The following JPH1 variants were observed in gnomAD, a reference collection of about 807,000 sequenced individuals.
The protein encoded by JPH1 is junctophilin 1, also known as junctophilin-1.
In JPH1, 12 loss-of-function variants were observed where a neutral mutation model predicts 53.6. That is an observed-to-expected ratio of 0.22 (90% CI 0.14 to 0.36). The LOEUF (loss-of-function observed/expected upper bound fraction) is 0.36. Among genes scored for constraint, JPH1 ranks in the 10% least tolerant of loss-of-function variants. The pLI is 1.00. For missense variants in JPH1, 808 were observed against 905.5 expected, an observed-to-expected ratio of 0.89 and a Z score of 1.38; for synonymous variants, 375 against 363.8, an observed-to-expected ratio of 1.03 and a Z score of -0.35.
At chr8:74,253,180 A>G (rs1487678851) in intron 3 of JPH1, among the ~76,000 whole-genome samples, 3 of 152,166 alleles carry the variant, frequency 2.0e-5, no homozygotes, top group Non-Finnish European at 4.4e-5. Context: ...AACAGAAATT[A>G]TAACAAACTA....
At position 74,315,205 on chromosome 8, in the gene JPH1, A is replaced by G; in HGVS notation, c.795T>C (p.Asp265=). The G allele has an allele frequency of 6.2e-7, 1 of 1,614,196 alleles. No individual in the cohort carries two copies. Among genetic ancestry groups the G allele is most frequent in the African/African-American group, 1.3e-5 (1 of 75,058 alleles). The change falls in exon 2 of 6, where the codon GAT becomes GAC. Residue 265 remains aspartate (D), a synonymous_variant. Coordinates refer to ENST00000342232, the MANE Select transcript of JPH1 (RefSeq NM_020647.4). This position sits in a 1 kb window ranked among gnomAD's most constrained non-coding sequence, Gnocchi z 6.3. ...CCACGTGGTCTTCCACCGGGCAAAA[A>G]TCACAATCTACATCGCCAAAGCTGA... ...STISFGDVDC[D]FCPVEDHVDA...
chr8:74,254,583 A>C (rs1328237623), intron 3 of JPH1, among the ~76,000 whole-genome samples: 1 of 152,126 alleles, frequency 6.6e-6, no homozygotes, highest in African/African-American at 2.4e-5. Flanking sequence ...GCATTCAATT[A>C]GGAAAAGAGG....
At chr8:74,262,829 C>G (rs1806431317) in intron 2 of JPH1, among the ~76,000 whole-genome samples, 1 of 152,234 alleles carries the variant, frequency 6.6e-6, no homozygotes, top group Non-Finnish European at 1.5e-5. Context: ...CCCTCCTGGA[C>G]ATAAGCTCTG....
intron 3 of JPH1, among the ~76,000 whole-genome samples, chr8:74,245,771 G>T (rs1454682238): frequency 6.6e-6 from 1 of 151,964 alleles, no homozygotes; most frequent in African/African-American, 2.4e-5. Flanking sequence ...CAAGGCAGTT[G>T]TCTCTGGTTC....
chr8:74,243,241 A>G (rs1223231941), intron 4 of JPH1, among the ~76,000 whole-genome samples: 17 of 152,252 alleles, frequency 1.1e-4, no homozygotes, highest in Admixed American at 1.1e-3. Context: ...TATAGTTGTA[A>G]TGTCAAGATA....
At chr8:74,263,631 C>T (rs1303288471) in intron 2 of JPH1, among the ~76,000 whole-genome samples, 1 of 152,190 alleles carries the variant, frequency 6.6e-6, no homozygotes, top group African/African-American at 2.4e-5. Flanking sequence ...TATATTCCCC[C>T]TACCCAGCCA....
intron 2 of JPH1, among the ~76,000 whole-genome samples, chr8:74,265,959 A>AG (rs1806519965): frequency 6.6e-6 from 1 of 151,888 alleles, no homozygotes; most frequent in Admixed American, 6.6e-5. Context: ...AAAAAAAAAA[A>AG]CAGAGAATAA....
chr8:74,278,749 G>C (rs149060083), intron 2 of JPH1, among the ~76,000 whole-genome samples: 1 of 152,216 alleles, frequency 6.6e-6, no homozygotes, highest in South Asian at 2.1e-4. Context: ...CTTCATGAGC[G>C]ATGACAGAGA....
chr8:74,316,397 G>A (rs182951969), intron 1 of JPH1, among the ~76,000 whole-genome samples: 3 of 152,298 alleles, frequency 2.0e-5, no homozygotes, highest in African/African-American at 7.2e-5. Context: ...TTCCCTAGCT[G>A]CCACTGCATT....
At chr8:74,261,253 C>T (rs577355217) in intron 2 of JPH1, among the ~76,000 whole-genome samples, 58 of 152,186 alleles carry the variant, frequency 3.8e-4, no homozygotes, top group African/African-American at 1.4e-3. Context: ...GACTTTAATA[C>T]TAATATATTA....
intron 3 of JPH1, among the ~76,000 whole-genome samples, chr8:74,255,300 T>A (rs1371767721): frequency 1.3e-5 from 2 of 152,064 alleles, no homozygotes; most frequent in Non-Finnish European, 2.9e-5. Context: ...GGGGAAAGGA[T>A]TCCCTATTTA....
intron 3 of JPH1, among the ~76,000 whole-genome samples, chr8:74,248,637 C>A (rs1217383017): frequency 6.6e-6 from 1 of 152,208 alleles, no homozygotes; most frequent in Non-Finnish European, 1.5e-5. Flanking sequence ...CACAGTCATA[C>A]AAGTCCTAGC....
Position 74,321,149 on chromosome 8 carries a change from C to T in JPH1, c.139G>A (p.Glu47Lys). 6.2e-7 allele frequency: 1 copy of T among 1,613,438 alleles called. No individual in the cohort carries two copies. The highest frequency in any genetic ancestry group is 8.5e-7 in the Non-Finnish European group (1 of 1,179,790). Residue 47 changes from glutamate (E) to lysine (K), a missense_variant, in exon 1 of 6, where the codon GAG (glutamate) becomes AAG (lysine). Physicochemically the swap from Glu to Lys is moderately conservative, Grantham distance 56. Transcript: ENST00000342232. This position sits in a 1 kb window ranked among gnomAD's most constrained non-coding sequence, Gnocchi z 4.3. ...EYSGSWSHGF[E>K]VVGGYTWPSG... ...GGCCAGGTGTAGCCTCCGACCACCT[C>T]GAAGCCGTGCGACCAGGAGCCCGAG...
At chr8:74,264,776 A>C (rs533531822) in intron 2 of JPH1, among the ~76,000 whole-genome samples, 1 of 152,342 alleles carries the variant, frequency 6.6e-6, no homozygotes, top group African/African-American at 2.4e-5. Context: ...GCCAAGATTC[A>C]CACGAAGAAT....
intron 2 of JPH1, among the ~76,000 whole-genome samples, chr8:74,271,338 C>T (rs1302829952): frequency 6.6e-6 from 1 of 152,112 alleles, no homozygotes; most frequent in Non-Finnish European, 1.5e-5. Flanking sequence ...CGCTATCTGA[C>T]AGCTACTTTA....
intron 3 of JPH1, among the ~76,000 whole-genome samples, chr8:74,257,026 A>G (rs1441630549): frequency 2.6e-5 from 4 of 152,222 alleles, no homozygotes; most frequent in South Asian, 2.1e-4. Flanking sequence ...GAAAATGTCT[A>G]TCTGATTTGC....
At chr8:74,283,784 A>C (rs1166207098) in intron 2 of JPH1, among the ~76,000 whole-genome samples, 1 of 152,206 alleles carries the variant, frequency 6.6e-6, no homozygotes, top group East Asian at 1.9e-4. Flanking sequence ...ACATACACTG[A>C]AAGTGGTACT....
chr8:74,240,161 G>A (rs541345108), intron 4 of JPH1, among the ~76,000 whole-genome samples: 3 of 151,850 alleles, frequency 2.0e-5, no homozygotes, highest in Admixed American at 2.0e-4. Context: ...TGGTAGAGAC[G>A]GGGTTTCACC....
intron 4 of JPH1, among the ~76,000 whole-genome samples, chr8:74,243,654 C>T (rs1450911318): frequency 6.6e-6 from 1 of 152,156 alleles, no homozygotes; most frequent in Non-Finnish European, 1.5e-5. Context: ...ACTTTCAACA[C>T]CTCTGTTCTA....
Sources: allele counts gnomAD v4.1 joint callset (sites outside exome capture counted in the v4.1 genomes callset), GRCh38; gene constraint gnomAD v4.1.1; non-coding constraint Gnocchi (gnomAD v3.1); transcripts MANE v1.5; gene names NCBI Gene and HGNC (gene_info 2026-07-23, HGNC 2026-07-21).